The following FGF10 variants were observed in gnomAD, a reference collection of about 807,000 sequenced individuals.
FGF10 encodes fibroblast growth factor 10, also known as FGF-10.
In FGF10, 2 loss-of-function variants were observed where a neutral mutation model predicts 19.8. That is an observed-to-expected ratio of 0.10 (90% CI 0.04 to 0.32). The LOEUF (loss-of-function observed/expected upper bound fraction) is 0.32, where lower values mean the gene tolerates loss of function less well. Ranked by LOEUF, FGF10 falls within the 10% of genes least tolerant of loss-of-function variation. The probability of loss-of-function intolerance (pLI) is 1.00; values close to 1 mark genes in which losing one functional copy is unlikely to be tolerated. For synonymous variants in FGF10, 112 were observed against 94.0 expected (o/e 1.19, Z -1.10); for missense variants, 191 against 246.3 (o/e 0.78, Z 1.50).
intron 1 of FGF10, among the ~76,000 whole-genome samples, chr5:44,385,069 G>A (rs1052620619): frequency 1.3e-5 from 2 of 152,018 alleles, no homozygotes; most frequent in African/African-American, 4.8e-5. Context: ...GGTTTCAAGG[G>A]CAAAGCTCTA....
At chr5:44,327,694 CT>C (rs1250932338) in intron 1 of FGF10, among the ~76,000 whole-genome samples, 2 of 152,198 alleles carry the variant, frequency 1.3e-5, no homozygotes, top group Non-Finnish European at 2.9e-5. Flanking sequence ...CAACAAACAG[CT>C]TTCTCATCCC....
rs1050246631 is a variant in FGF10 at position 44,300,424 on chromosome 5, T to C, written c.*4571A>G. On this transcript the variant is annotated 3_prime_UTR_variant, in exon 3 of 3. Transcript: ENST00000264664. ...TGAAGTAGGAGGACCAGCTTTTTATTCAGTGAAAACTTGCATTCATCCCAA... is the reference window on the plus strand; with the variant it reads ...TGAAGTAGGAGGACCAGCTTTTTATCCAGTGAAAACTTGCATTCATCCCAA... 6.6e-6 allele frequency among the ~76,000 whole-genome samples: 1 copy of C among 152,116 alleles called. No individual in the cohort carries two copies. Among genetic ancestry groups the C allele is most frequent in the Non-Finnish European group, 1.5e-5 (1 of 68,012 alleles).
chr5:44,356,965 A>G (rs1741360230), intron 1 of FGF10, among the ~76,000 whole-genome samples: 1 of 151,248 alleles, frequency 6.6e-6, no homozygotes, highest in African/African-American at 2.4e-5. Flanking sequence ...TTCCCCCAGT[A>G]CACTTGGCTT....
chr5:44,371,048 G>A (rs1579939243), intron 1 of FGF10, among the ~76,000 whole-genome samples: 1 of 152,018 alleles, frequency 6.6e-6, no homozygotes, highest in Non-Finnish European at 1.5e-5. Context: ...TTGAATATTT[G>A]TCCCCTCCAA....
chr5:44,354,028 T>C (rs980345489), intron 1 of FGF10, among the ~76,000 whole-genome samples: 2 of 151,604 alleles, frequency 1.3e-5, no homozygotes, highest in African/African-American at 4.8e-5. Context: ...AGATAGTGAA[T>C]AATAAGCTAT....
intron 1 of FGF10, among the ~76,000 whole-genome samples, chr5:44,311,997 C>T (rs949406279): frequency 3.3e-5 from 5 of 151,976 alleles, no homozygotes; most frequent in African/African-American, 1.2e-4. Flanking sequence ...AGAGACTTTG[C>T]CAAGACTACA....
At chr5:44,305,312 G>A in intron 2 of FGF10, 120 bp from the exon 3 acceptor site, 1 of 829,018 alleles carries the variant, frequency 1.2e-6, no homozygotes, top group Admixed American at 2.0e-5. Flanking sequence ...TTGTACCTAA[G>A]TTGTGCACTT....
intron 1 of FGF10, among the ~76,000 whole-genome samples, chr5:44,319,899 G>T (rs1740443931): frequency 6.6e-6 from 1 of 152,138 alleles, no homozygotes; most frequent in South Asian, 2.1e-4. Flanking sequence ...GAACCAGGCT[G>T]CACAGCAGGA....
chr5:44,308,707 G>T (rs2111680414), intron 2 of FGF10, among the ~76,000 whole-genome samples: 1 of 152,176 alleles, frequency 6.6e-6, no homozygotes, highest in Non-Finnish European at 1.5e-5. Flanking sequence ...AAAAGCATTT[G>T]CCCTAGTCCC....
At chr5:44,353,826 T>C (rs993742134) in intron 1 of FGF10, among the ~76,000 whole-genome samples, 1 of 151,460 alleles carries the variant, frequency 6.6e-6, no homozygotes, top group Non-Finnish European at 1.5e-5. Context: ...TTCTTTTCTC[T>C]GCTAGAATAC....
intron 1 of FGF10, among the ~76,000 whole-genome samples, chr5:44,343,044 G>A (rs923419861): frequency 1.3e-5 from 2 of 152,020 alleles, no homozygotes; most frequent in Non-Finnish European, 2.9e-5. Flanking sequence ...GTGGGTGGGT[G>A]TGTGTTGCCC....
rs1442922111 is a variant in FGF10 at position 44,303,211 on chromosome 5, C to T, written c.*1784G>A. Among the ~76,000 whole-genome samples the T allele has an allele frequency of 6.6e-6, 1 of 152,034 alleles. No homozygotes were observed. The highest frequency in any genetic ancestry group is 1.5e-5 in the Non-Finnish European group (1 of 68,004). ...TTTTGAAGAATGGGAAAAATATGAC[C>T]TTTTATGGGATTATACAAAAAATTT... On this transcript the variant is annotated 3_prime_UTR_variant, in exon 3 of 3. Coordinates refer to ENST00000264664, the MANE Select transcript of FGF10 (RefSeq NM_004465.2).
chr5:44,356,418 G>A (rs1232594489), intron 1 of FGF10, among the ~76,000 whole-genome samples: 1 of 151,408 alleles, frequency 6.6e-6, no homozygotes, highest in Non-Finnish European at 1.5e-5. Flanking sequence ...TGTAAACATG[G>A]TTTTTGGCAA....
chr5:44,347,806 G>C (rs780051152), intron 1 of FGF10, among the ~76,000 whole-genome samples: 13 of 151,580 alleles, frequency 8.6e-5, no homozygotes, highest in Non-Finnish European at 1.6e-4. Flanking sequence ...TGGTGGAGGG[G>C]ACCCAATGGC....
chr5:44,321,718 T>A (rs1740494059), intron 1 of FGF10, among the ~76,000 whole-genome samples: 1 of 152,216 alleles, frequency 6.6e-6, no homozygotes, highest in South Asian at 2.1e-4. Context: ...TCTTAACTCA[T>A]GTCTGTTTGC....
intron 1 of FGF10, among the ~76,000 whole-genome samples, chr5:44,378,007 T>C (rs1218907069): frequency 6.6e-6 from 1 of 152,230 alleles, no homozygotes; most frequent in African/African-American, 2.4e-5. Context: ...AGCAATCATT[T>C]TCTTACACTT....
intron 1 of FGF10, among the ~76,000 whole-genome samples, chr5:44,324,940 A>C (rs1283494106): frequency 6.6e-6 from 1 of 152,200 alleles, no homozygotes; most frequent in Non-Finnish European, 1.5e-5. Flanking sequence ...TCAGGAAAAA[A>C]ACTGTGTGTA....
At chr5:44,357,391 A>G (rs572672934) in intron 1 of FGF10, among the ~76,000 whole-genome samples, 38 of 151,604 alleles carry the variant, frequency 2.5e-4, no homozygotes, top group Middle Eastern at 3.4e-3. Flanking sequence ...TAGATATAAA[A>G]GTTGATCTAT....
chr5:44,360,766 G>C (rs891727228), intron 1 of FGF10, among the ~76,000 whole-genome samples: 1 of 151,588 alleles, frequency 6.6e-6, no homozygotes, highest in East Asian at 1.9e-4. Flanking sequence ...TATTTGCAAG[G>C]CATGATGACA....
Sources: gnomAD v4.1 joint callset for allele counts (sites outside exome capture counted in the v4.1 genomes callset) on GRCh38, gnomAD v4.1.1 for gene constraint, MANE v1.5 for transcripts, NCBI Gene and HGNC (gene_info 2026-07-23, HGNC 2026-07-21) for gene names.